Variants in JAKMIP2 observed in about 807,000 individuals in gnomAD.
JAKMIP2 encodes the protein janus kinase and microtubule-interacting protein 2.
JAKMIP2 carries 25 observed loss-of-function variants against 115.0 expected under a neutral mutation model. That is an observed-to-expected ratio of 0.22 (90% CI 0.16 to 0.30). JAKMIP2 has a LOEUF of 0.30. JAKMIP2 is among the 10% of genes least tolerant of loss of function. The pLI is 1.00. For synonymous variants in JAKMIP2, 334 were observed against 343.6 expected (o/e 0.97, Z 0.31); for missense variants, 642 against 957.6 (o/e 0.67, Z 4.35).
intron 1 of JAKMIP2, among the ~76,000 whole-genome samples, chr5:147,695,637 G>A (rs1028729503): frequency 6.0e-5 from 9 of 149,354 alleles, no homozygotes; most frequent in East Asian, 2.0e-4. Context: ...CTATTGTTAC[G>A]GAAGTGAAAG....
chr5:147,674,074 T>TG (rs1389347379), intron 1 of JAKMIP2, among the ~76,000 whole-genome samples: 2 of 152,176 alleles, frequency 1.3e-5, no homozygotes, highest in African/African-American at 4.8e-5. Context: ...TAGATCTGAT[T>TG]GGCATCTCAA....
intron 1 of JAKMIP2, among the ~76,000 whole-genome samples, chr5:147,769,809 T>C (rs557574795): frequency 4.3e-4 from 66 of 152,176 alleles, no homozygotes; most frequent in African/African-American, 1.5e-3. Flanking sequence ...TTTGTCTCTG[T>C]AAACCAGATG....
In JAKMIP2 at chr5:147,637,757, C is replaced by T. The variant is rs192914071; in HGVS notation, c.1531-709G>A. The stretch of plus-strand genomic sequence containing the variant: ...CAAACTTTGTGCCTAAATTTAAGTC[C>T]CTAAATCAATTTCTCTCTGTCTTTC... On this transcript the variant is annotated intron_variant, in intron 10 of 21. Transcript: ENST00000616793. Among the ~76,000 whole-genome samples, 73 of 152,094 alleles carry T rather than the reference C, an allele frequency of 4.8e-4. 1 individual carries two copies. The East Asian group carries it at 0.011, about 23-fold the overall frequency.
intron 20 of JAKMIP2, 85 bp from the exon 21 acceptor site, chr5:147,601,896 T>A: frequency 1.5e-6 from 1 of 647,156 alleles, no homozygotes; most frequent in Non-Finnish European, 2.7e-6. Context: ...TTTTCCATAT[T>A]GCTCAAGTCT....
intron 1 of JAKMIP2, among the ~76,000 whole-genome samples, chr5:147,733,926 T>C (rs1432578589): frequency 6.6e-6 from 1 of 152,154 alleles, no homozygotes; most frequent in East Asian, 1.9e-4. Context: ...AGTAAACATA[T>C]GTGTGCAGGT....
At chr5:147,684,296 AAC>A (rs10565596) in intron 1 of JAKMIP2, among the ~76,000 whole-genome samples, 2,865 of 147,006 alleles carry the variant, frequency 0.019, 26 homozygotes, top group African/African-American at 0.022. Flanking sequence ...AGTGCCAGAG[AAC>A]ACACACACAC....
intron 3 of JAKMIP2, among the ~76,000 whole-genome samples, chr5:147,652,223 G>C (rs909629967): frequency 2.0e-5 from 3 of 152,126 alleles, no homozygotes; most frequent in Non-Finnish European, 1.5e-5. Context: ...CTTGGTCATA[G>C]TCATATGTCT....
At chr5:147,696,143 C>T (rs779657433) in intron 1 of JAKMIP2, among the ~76,000 whole-genome samples, 1 of 152,074 alleles carries the variant, frequency 6.6e-6, no homozygotes, top group Non-Finnish European at 1.5e-5. Flanking sequence ...TAAGATATTG[C>T]TCTATATAAG....
At chr5:147,641,585 C>T (rs1757881364) in intron 8 of JAKMIP2, 123 bp downstream of exon 8, 1 of 636,554 alleles carries the variant, frequency 1.6e-6, no homozygotes, top group African/African-American at 1.9e-5. Context: ...AAATAATGCC[C>T]ATGGTTTGCT....
At chr5:147,764,485 T>A (rs1366877896) in intron 1 of JAKMIP2, among the ~76,000 whole-genome samples, 1 of 34,126 alleles carries the variant, frequency 2.9e-5, no homozygotes, top group Non-Finnish European at 5.4e-5. Context: ...ATATTGAAAA[T>A]GGGCGGGGTG....
At chr5:147,663,392 C>T (rs7703612) in intron 2 of JAKMIP2, among the ~76,000 whole-genome samples, 21,625 of 152,050 alleles carry the variant, frequency 0.14, 2,623 homozygotes, top group East Asian at 0.34. Flanking sequence ...AAAGACTAGA[C>T]TCACTTAGCC....
intron 1 of JAKMIP2, among the ~76,000 whole-genome samples, chr5:147,772,430 G>A (rs891175966): frequency 1.3e-5 from 2 of 151,944 alleles, no homozygotes; most frequent in South Asian, 4.2e-4. Context: ...TCAATTATGA[G>A]GGGGTGGTGG....
chr5:147,640,846 T>C (rs1757847467), intron 8 of JAKMIP2, 23 bp from the exon 9 acceptor site: 7 of 1,606,654 alleles, frequency 4.4e-6, no homozygotes, highest in Admixed American at 3.4e-5. Context: ...AAAGTACCTA[T>C]TTACTGACAT....
intron 20 of JAKMIP2, among the ~76,000 whole-genome samples, chr5:147,605,123 A>C (rs901109734): frequency 6.6e-6 from 1 of 150,638 alleles, no homozygotes; most frequent in Admixed American, 6.6e-5. Context: ...ACTGTTTCCA[A>C]CTTCATCCAT....
chr5:147,751,476 C>T (rs373293278), intron 1 of JAKMIP2, among the ~76,000 whole-genome samples: 17 of 151,784 alleles, frequency 1.1e-4, no homozygotes, highest in African/African-American at 3.6e-4. Context: ...TTTGGCTTTC[C>T]TACTTTAAAC....
At chr5:147,714,346 T>C (rs1293417054) in intron 1 of JAKMIP2, among the ~76,000 whole-genome samples, 1 of 152,016 alleles carries the variant, frequency 6.6e-6, no homozygotes, top group Non-Finnish European at 1.5e-5. Flanking sequence ...CAACAAAAAT[T>C]AAGAAATCAA....
At chr5:147,712,042 A>G (rs1038348493) in intron 1 of JAKMIP2, among the ~76,000 whole-genome samples, 1 of 152,262 alleles carries the variant, frequency 6.6e-6, no homozygotes, top group Non-Finnish European at 1.5e-5. Context: ...ATGTTAGAAC[A>G]TTCTACAAGG....
At chr5:147,760,403 T>C in intron 1 of JAKMIP2, among the ~76,000 whole-genome samples, 1 of 22,330 alleles carries the variant, frequency 4.5e-5, no homozygotes, top group African/African-American at 9.0e-5. Context: ...AGGCAGTCAG[T>C]GAAAAAAAAA....
chr5:147,599,897 G>C (rs1755605848), intron 21 of JAKMIP2, among the ~76,000 whole-genome samples: 1 of 151,990 alleles, frequency 6.6e-6, no homozygotes, highest in South Asian at 2.1e-4. Context: ...GATTTCATGA[G>C]GATTAAATGT....
Sources: allele counts gnomAD v4.1 joint callset (sites outside exome capture counted in the v4.1 genomes callset), GRCh38; gene constraint gnomAD v4.1.1; transcripts MANE v1.5; gene names NCBI Gene and HGNC (gene_info 2026-07-23, HGNC 2026-07-21).